Variants in NCOR2 observed in about 807,000 individuals in gnomAD.
The protein encoded by NCOR2 is nuclear receptor corepressor 2.
NCOR2 carries 81 observed loss-of-function variants against 262.9 expected under a neutral mutation model. The ratio of observed to expected loss-of-function variants is 0.31; its 90% CI spans 0.26 to 0.37. NCOR2 has a LOEUF of 0.37. Among genes scored for constraint, NCOR2 ranks in the 10% least tolerant of loss-of-function variants. NCOR2 has a pLI of 1.00. For synonymous variants in NCOR2, 1,659 were observed against 1,559.3 expected, an observed-to-expected ratio of 1.06 and a Z score of -1.51; for missense variants, 3,385 against 3,621.4, an observed-to-expected ratio of 0.93 and a Z score of 1.68.
At chr12:124,439,241 A>G (rs920536347) in intron 7 of NCOR2, among the ~76,000 whole-genome samples, 2 of 151,902 alleles carry the variant, frequency 1.3e-5, no homozygotes, top group Non-Finnish European at 2.9e-5. Flanking sequence ...AGAGGGAGAC[A>G]GAGACCCAGA....
intron 4 of NCOR2, among the ~76,000 whole-genome samples, chr12:124,471,140 C>A (rs932717575): frequency 1.7e-4 from 26 of 152,356 alleles, no homozygotes; most frequent in African/African-American, 4.6e-4. Context: ...GGACTATCCT[C>A]AAATCCTGGT....
At chr12:124,449,225 A>G (rs1374083354) in intron 7 of NCOR2, among the ~76,000 whole-genome samples, 1 of 152,114 alleles carries the variant, frequency 6.6e-6, no homozygotes, top group Non-Finnish European at 1.5e-5. Flanking sequence ...GTGGCACTTA[A>G]TTGACATTTT....
intron 7 of NCOR2, among the ~76,000 whole-genome samples, chr12:124,439,268 C>CAGAGA: frequency 2.4e-5 from 1 of 41,524 alleles, no homozygotes; most frequent in African/African-American, 1.2e-4. Context: ...GAGATGGAGA[C>CAGAGA]CCTGAGACAG....
chr12:124,520,507 T>G (rs1264940140), intron 1 of NCOR2, among the ~76,000 whole-genome samples: 3 of 152,054 alleles, frequency 2.0e-5, no homozygotes, highest in African/African-American at 7.2e-5. Context: ...TCCCACCCCC[T>G]CAGAGCGACT....
At chr12:124,377,959 A>T (rs1186798899) in intron 18 of NCOR2, among the ~76,000 whole-genome samples, 1 of 152,178 alleles carries the variant, frequency 6.6e-6, no homozygotes, top group East Asian at 1.9e-4. Context: ...TCACCCAAGC[A>T]TAAGACTGGA....
At chr12:124,436,049 G>A (rs1355183084) in intron 8 of NCOR2, among the ~76,000 whole-genome samples, 1 of 152,202 alleles carries the variant, frequency 6.6e-6, no homozygotes, top group Non-Finnish European at 1.5e-5. Context: ...CCTTACGCAC[G>A]ACCTGTCCCT....
chr12:124,452,430 T>C (rs934150059), intron 6 of NCOR2, among the ~76,000 whole-genome samples: 5 of 152,248 alleles, frequency 3.3e-5, no homozygotes, highest in African/African-American at 4.8e-5. Flanking sequence ...CCTCACTAGC[T>C]GTGAGCTTGG....
upstream of NCOR2, among the ~76,000 whole-genome samples, chr12:124,497,861 C>A (rs1469882075): frequency 2.0e-5 from 3 of 152,190 alleles, no homozygotes; most frequent in African/African-American, 7.2e-5. This position sits in a 1 kb window ranked among gnomAD's most constrained non-coding sequence, Gnocchi z 4.2. Context: ...TAGCCCTGCC[C>A]GGCCCCAAGA....
intron 1 of NCOR2, among the ~76,000 whole-genome samples, chr12:124,512,843 C>A (rs368534027): frequency 3.9e-5 from 6 of 152,206 alleles, no homozygotes; most frequent in African/African-American, 1.2e-4. Flanking sequence ...GGGACTCTCA[C>A]GCCCACGCCT....
chr12:124,333,366 A>G, intron 41 of NCOR2, 87 bp from the exon 44 acceptor site: 1 of 1,254,864 alleles, frequency 8.0e-7, no homozygotes, highest in Non-Finnish European at 1.0e-6. Flanking sequence ...AGGGCCCCAC[A>G]CGCTTTTCCT....
At chr12:124,396,413 C>CTA (rs2041659818) in intron 16 of NCOR2, among the ~76,000 whole-genome samples, 1 of 152,172 alleles carries the variant, frequency 6.6e-6, no homozygotes, top group African/African-American at 2.4e-5. Flanking sequence ...CTTTTGCAGC[C>CTA]TATAATGAAA....
chr12:124,337,154 C>A (rs777477283), exon 38 of NCOR2: 2 of 1,523,930 alleles, frequency 1.3e-6, no homozygotes, highest in African/African-American at 1.4e-5. Context: ...GGCAGCCGGG[C>A]GAACGGGTGA....
rs2048313200 is a variant in NCOR2, at chr12:124,495,087, A to G, written c.105+60T>C. 1.9e-6 allele frequency: 3 copies of G among 1,582,466 alleles called. No homozygotes were observed. Among genetic ancestry groups the G allele is most frequent in the South Asian group, 2.3e-5 (2 of 87,704 alleles). The stretch of plus-strand genomic sequence containing the variant: ...AGGAGAAAGGAAGGGGTGAAGACTC[A>G]GTGGAATGGAAGAAGGGTCTCAAAG... On this transcript the variant is annotated intron_variant, in intron 1 of 46. Transcript: ENST00000405201. This position sits in a 1 kb window ranked among gnomAD's most constrained non-coding sequence, Gnocchi z 4.4.
intron 43 of NCOR2, among the ~76,000 whole-genome samples, chr12:124,331,214 C>T (rs2135741933): frequency 6.6e-6 from 1 of 152,240 alleles, no homozygotes; most frequent in Admixed American, 6.5e-5. Flanking sequence ...AGACATCCGC[C>T]ACCACGCCTG....
At chr12:124,484,135 T>C (rs1593767036) in intron 2 of NCOR2, among the ~76,000 whole-genome samples, 1 of 152,204 alleles carries the variant, frequency 6.6e-6, no homozygotes, top group Non-Finnish European at 1.5e-5. Context: ...TGAGTCAGAC[T>C]CGGCATTTTA....
intron 18 of NCOR2, among the ~76,000 whole-genome samples, chr12:124,377,197 T>G (rs931190142): frequency 2.0e-5 from 3 of 152,170 alleles, no homozygotes; most frequent in Admixed American, 1.3e-4. Flanking sequence ...AGTCCTGCAT[T>G]TGAGGGGACT....
intron 16 of NCOR2, among the ~76,000 whole-genome samples, chr12:124,388,186 G>A (rs544561785): frequency 1.9e-4 from 29 of 152,144 alleles, no homozygotes; most frequent in Non-Finnish European, 4.4e-5. Context: ...TAGCAGTCTT[G>A]GCCAGCCCTT....
At chr12:124,326,353 T>C (rs1218837622) in exon 46 of NCOR2, 8 of 1,502,264 alleles carry the variant, frequency 5.3e-6, no homozygotes, top group Non-Finnish European at 7.1e-6. Context: ...CCAGAGACCT[T>C]GGCCTTCCCG....
intron 20 of NCOR2, among the ~76,000 whole-genome samples, chr12:124,366,631 G>A (rs575349555): frequency 2.6e-5 from 4 of 151,982 alleles, no homozygotes; most frequent in African/African-American, 4.8e-5. Flanking sequence ...CTCAGCCTCC[G>A]GAATTGCTGA....
Sources: gnomAD v4.1 joint callset for allele counts (sites outside exome capture counted in the v4.1 genomes callset) on GRCh38, gnomAD v4.1.1 for gene constraint, Gnocchi (gnomAD v3.1) non-coding constraint, MANE v1.5 for transcripts, NCBI Gene and HGNC (gene_info 2026-07-23, HGNC 2026-07-21) for gene names.